Variants in AMOTL1 observed in about 807,000 individuals in gnomAD.
The protein encoded by AMOTL1 is angiomotin-like protein 1.
Under a neutral mutation model 102.9 loss-of-function variants are expected in AMOTL1, and 45 were observed. The ratio of observed to expected loss-of-function variants is 0.44; its 90% confidence interval spans 0.34 to 0.56. The LOEUF (loss-of-function observed/expected upper bound fraction) is 0.56. AMOTL1 is among the 20% of genes least tolerant of loss of function. AMOTL1 has a pLI of 0.01. For synonymous variants in AMOTL1, 481 were observed against 484.7 expected (o/e 0.99, Z 0.10); for missense variants, 1,114 against 1,225.6 (o/e 0.91, Z 1.36).
intron 3 of AMOTL1, among the ~76,000 whole-genome samples, chr11:94,809,344 C>T (rs1197971073): frequency 6.6e-6 from 1 of 152,158 alleles, no homozygotes; most frequent in African/African-American, 2.4e-5. Flanking sequence ...ATTTCAAGTA[C>T]CCAATAGCCT....
intron 9 of AMOTL1, 50 bp downstream of exon 9, chr11:94,859,765 A>T (rs762069011): frequency 1.3e-6 from 2 of 1,513,326 alleles, no homozygotes; most frequent in Admixed American, 2.1e-5. Flanking sequence ...TAAAAAAATC[A>T]AAACAAAACA....
chr11:94,831,382 T>G, intron 5 of AMOTL1, 70 bp from the exon 6 acceptor site: 1 of 1,310,588 alleles, frequency 7.6e-7, no homozygotes, highest in East Asian at 2.3e-5. Context: ...GGCACATATT[T>G]CATTTCTTGG....
chr11:94,747,115 A>G (rs562465964), intron 3 of AMOTL1, among the ~76,000 whole-genome samples: 1 of 152,212 alleles, frequency 6.6e-6, no homozygotes, highest in Non-Finnish European at 1.5e-5. Context: ...TGAAGTTTTG[A>G]AAGTCCAATT....
chr11:94,707,236 C>A, intron 1 of AMOTL1, among the ~76,000 whole-genome samples: 1 of 141,036 alleles, frequency 7.1e-6, no homozygotes, highest in African/African-American at 2.7e-5. Context: ...CTCTCTCTCT[C>A]TCTCTCTCTC....
intron 3 of AMOTL1, among the ~76,000 whole-genome samples, chr11:94,754,805 A>G (rs556163120): frequency 9.2e-5 from 14 of 151,408 alleles, no homozygotes; most frequent in African/African-American, 3.1e-4. Flanking sequence ...TTTCAGATAA[A>G]CAGTGAATAT....
intron 4 of AMOTL1, among the ~76,000 whole-genome samples, chr11:94,825,128 T>G (rs1203073360): frequency 6.6e-6 from 1 of 152,234 alleles, no homozygotes; most frequent in Admixed American, 6.5e-5. Context: ...TCCCTGAAAC[T>G]TAATTAATGA....
intron 8 of AMOTL1, 123 bp from the exon 9 acceptor site, chr11:94,859,402 G>A: frequency 1.1e-6 from 1 of 929,986 alleles, no homozygotes; most frequent in Non-Finnish European, 1.5e-6. Flanking sequence ...GAATTTGGAG[G>A]TGAAGTAGCA....
chr11:94,834,305 G>T lies in AMOTL1; in HGVS notation c.1648+2764G>T, dbSNP rs146205568. Among the ~76,000 whole-genome samples, 1,053 of 152,128 alleles carry T rather than the reference G, an allele frequency of 6.9e-3. 15 individuals are homozygous for T. Among genetic ancestry groups the T allele is most frequent in the African/African-American group, 0.024 (1,000 of 41,510 alleles). Reference sequence around the variant, plus strand: ...AAGACTGCAATAGAAGTTATGTCTCGGGCCGGGCGCGGTGGCTCACGCCTG... The same window carrying T: ...AAGACTGCAATAGAAGTTATGTCTCTGGCCGGGCGCGGTGGCTCACGCCTG... On this transcript the variant is annotated intron_variant, in intron 6 of 12. Coordinates refer to ENST00000433060, the MANE Select transcript of AMOTL1 (RefSeq NM_130847.3).
At chr11:94,771,139 A>C (rs1419537469) in intron 1 of AMOTL1, among the ~76,000 whole-genome samples, 1 of 151,132 alleles carries the variant, frequency 6.6e-6, no homozygotes, top group Non-Finnish European at 1.5e-5. Context: ...AAATTGTAAA[A>C]GTTTGATTTT....
chr11:94,834,818 C>G (rs990792055), intron 6 of AMOTL1, among the ~76,000 whole-genome samples: 6 of 152,108 alleles, frequency 3.9e-5, no homozygotes, highest in African/African-American at 1.4e-4. Flanking sequence ...TGAAAGATCT[C>G]CCAGTTAATG....
At position 94,859,743 on chromosome 11, in the gene AMOTL1, TA is replaced by T. The variant is rs1296823242; in HGVS notation, c.2135+32del. 6 of 1,560,168 alleles carry T rather than the reference TA, an allele frequency of 3.8e-6. No individual in the cohort carries two copies. The East Asian group carries it at 1.2e-4, about 30-fold the overall frequency. ...GAGACCAGTGGAACTCTGGTGGTCA[TA>T]AAAGCACAGTTAAAAAAATCAAAAC... is the stretch of plus-strand genomic sequence containing the variant. On this transcript the variant is annotated intron_variant, in intron 9 of 12. Transcript: ENST00000433060.
chr11:94,762,193 T>C (rs911013686), intron 3 of AMOTL1, among the ~76,000 whole-genome samples: 1 of 152,224 alleles, frequency 6.6e-6, no homozygotes, highest in Non-Finnish European at 1.5e-5. Flanking sequence ...TGATATATTA[T>C]AGGGTGGATG....
chr11:94,864,496 T>C (rs1371665140), intron 9 of AMOTL1, among the ~76,000 whole-genome samples: 1 of 152,158 alleles, frequency 6.6e-6, no homozygotes, highest in African/African-American at 2.4e-5. Flanking sequence ...TGTGGAGTTT[T>C]AGCACGGCAC....
chr11:94,804,453 AT>A (rs1228702810), intron 3 of AMOTL1, among the ~76,000 whole-genome samples: 1 of 152,008 alleles, frequency 6.6e-6, no homozygotes, highest in African/African-American at 2.4e-5. Context: ...GTGCCCAACT[AT>A]TTTTGTAATT....
chr11:94,835,008 C>G (rs146409491), intron 6 of AMOTL1, among the ~76,000 whole-genome samples: 182 of 152,246 alleles, frequency 1.2e-3, no homozygotes, highest in African/African-American at 4.2e-3. Flanking sequence ...ATTGTACTCC[C>G]CCAAGTCATG....
upstream of AMOTL1, among the ~76,000 whole-genome samples, chr11:94,764,412 A>C (rs182069677): frequency 4.1e-3 from 629 of 152,326 alleles, no homozygotes; most frequent in Non-Finnish European, 7.1e-3. Flanking sequence ...ACACTTCAGA[A>C]AGTGCTTGAA....
intron 2 of AMOTL1, among the ~76,000 whole-genome samples, chr11:94,734,509 A>C (rs2135465215): frequency 6.6e-6 from 1 of 152,350 alleles, no homozygotes; most frequent in South Asian, 2.1e-4. Context: ...CATTTTGATG[A>C]AACCTTACTG....
At chr11:94,809,706 CT>C (rs1189095674) in intron 3 of AMOTL1, among the ~76,000 whole-genome samples, 3 of 152,218 alleles carry the variant, frequency 2.0e-5, no homozygotes, top group Non-Finnish European at 4.4e-5. Flanking sequence ...TATTAAGCCA[CT>C]TTACCAATGA....
intron 1 of AMOTL1, among the ~76,000 whole-genome samples, chr11:94,776,077 G>C (rs547125662): frequency 6.6e-6 from 1 of 152,298 alleles, no homozygotes; most frequent in African/African-American, 2.4e-5. Flanking sequence ...TCCTGAAGAG[G>C]ACCATCAAAG....
Sources: allele counts gnomAD v4.1 joint callset (sites outside exome capture counted in the v4.1 genomes callset), GRCh38; gene constraint gnomAD v4.1.1; transcripts MANE v1.5; gene names NCBI Gene and HGNC (gene_info 2026-07-23, HGNC 2026-07-21).